CCDC83: variants seen among roughly 807,000 people sequenced by gnomAD.
The protein encoded by CCDC83 is coiled-coil domain containing 83.
A neutral mutation model predicts 50.1 loss-of-function variants in CCDC83; 54 were observed. That is an observed-to-expected ratio of 1.08 (90% CI 0.87 to 1.35). The LOEUF (loss-of-function observed/expected upper bound fraction) is 1.35. Among genes scored for constraint, CCDC83 ranks in the 40% most tolerant of loss-of-function variants. The pLI, the probability that CCDC83 is intolerant of heterozygous loss-of-function variation, is 0.00. For missense variants in CCDC83, 518 were observed against 473.9 expected, an observed-to-expected ratio of 1.09 and a Z score of -0.86; for synonymous variants, 161 against 153.3, an observed-to-expected ratio of 1.05 and a Z score of -0.37.
rs1311365980 is a variant in CCDC83, at chr11:85,909,825, CATT to C, written c.673-1452_673-1450del. ...CATTTTTTCCTATTTGAATTAGCCA[CATT>C]ATTTTTCTTCTTCTTTTTTACAGGC... On this transcript the variant is annotated intron_variant, in intron 7 of 10. Coordinates refer to ENST00000342404, the MANE Select transcript of CCDC83 (RefSeq NM_001286159.2). 2.0e-5 allele frequency among the ~76,000 whole-genome samples: 3 copies of C among 151,856 alleles called. No individual in the cohort carries two copies. The East Asian group carries it at 5.8e-4, about 29-fold the overall frequency.
At chr11:85,914,077 G>A (rs146904104) in intron 8 of CCDC83, among the ~76,000 whole-genome samples, 216 of 152,270 alleles carry the variant, frequency 1.4e-3, no homozygotes, top group Non-Finnish European at 2.4e-3. Context: ...TGAAACTTAC[G>A]TTTACTAAGG....
intron 7 of CCDC83, among the ~76,000 whole-genome samples, chr11:85,901,865 C>T (rs990443693): frequency 1.8e-4 from 24 of 133,162 alleles, no homozygotes; most frequent in Non-Finnish European, 3.4e-4. Context: ...CCCGGCTCTA[C>T]AAAAAATAAA....
chr11:85,912,582 G>C (rs1001522090), intron 8 of CCDC83: 1 of 900,302 alleles, frequency 1.1e-6, no homozygotes, highest in Non-Finnish European at 1.9e-6. Flanking sequence ...AGGGCCCCTA[G>C]GGGTAGGTGC....
chr11:85,861,427 C>G (rs1348222024), intron 1 of CCDC83, among the ~76,000 whole-genome samples: 1 of 152,178 alleles, frequency 6.6e-6, no homozygotes, highest in Non-Finnish European at 1.5e-5. Flanking sequence ...GGCTGAGCCA[C>G]AACTAGACTT....
At chr11:85,864,722 A>C (rs1399575999) in intron 1 of CCDC83, among the ~76,000 whole-genome samples, 1 of 152,182 alleles carries the variant, frequency 6.6e-6, no homozygotes, top group African/African-American at 2.4e-5. Context: ...TCTTTGAAAA[A>C]TTAATAGACA....
chr11:85,909,609 C>CTTT lies in CCDC83; in HGVS notation c.673-1643_673-1641dup, dbSNP rs71468972. ...TTTGGACAAAAGTCATCAAAATACA[C>CTTT]TTTTTTTTTTTTTTTTTTTTTTTTT... On this transcript the variant is annotated intron_variant, in intron 7 of 10. Coordinates refer to ENST00000342404, the MANE Select transcript of CCDC83 (RefSeq NM_001286159.2). 7.1e-3 allele frequency among the ~76,000 whole-genome samples: 411 copies of CTTT among 57,734 alleles called. 92 individuals carry two copies. The highest frequency in any genetic ancestry group is 0.016 in the African/African-American group (217 of 13,840). 37.9% of individuals were successfully genotyped at this position (57,734 alleles called of 152,430 possible). A position where few individuals can be genotyped will look rare whatever the true frequency, so the allele number is the denominator to read the frequency against.
At chr11:85,917,262 G>A in intron 10 of CCDC83, among the ~76,000 whole-genome samples, 1 of 132,112 alleles carries the variant, frequency 7.6e-6, no homozygotes, top group East Asian at 2.5e-4. Context: ...AGGAAAGGAA[G>A]GAAGGAAGGA....
chr11:85,869,879 C>T (rs535618317), intron 2 of CCDC83, among the ~76,000 whole-genome samples: 49 of 152,356 alleles, frequency 3.2e-4, no homozygotes, highest in African/African-American at 1.1e-3. Flanking sequence ...GCTGAAGTGG[C>T]TTTCAAAGAC....
chr11:85,855,160 G>C (rs952356945), upstream of CCDC83: 18 of 152,492 alleles, frequency 1.2e-4, no homozygotes, highest in Admixed American at 1.0e-3. Context: ...CGGGCTGAAA[G>C]GAAGTGCGAG....
rs2093369320 is a variant in CCDC83 at position 85,895,366 on chromosome 11, G to A, written c.585G>A (p.Lys195=). Residue 195 remains lysine, a synonymous_variant, in exon 6 of 11, where the codon AAG becomes AAA. Coordinates refer to ENST00000342404, the MANE Select transcript of CCDC83 (RefSeq NM_001286159.2). ...AAACTTTGTTGCAACTGGACCAAAA[G>A]AAGGAATGGGCCACACAGGTATAAT... The part of the protein sequence containing the change: ...IKETLLQLDQ[K]KEWATQNAVK... The A allele has an allele frequency of 6.6e-7, 1 of 1,525,100 alleles. No individual in the cohort carries two copies. The highest frequency in any genetic ancestry group is 8.9e-7 in the Non-Finnish European group (1 of 1,125,276). 94.5% of individuals were successfully genotyped at this position (1,525,100 alleles called of 1,614,324 possible). A position where few individuals can be genotyped will look rare whatever the true frequency, so the allele number is the denominator to read the frequency against.
chr11:85,894,729 G>C (rs1004363859), intron 5 of CCDC83, among the ~76,000 whole-genome samples: 8 of 152,124 alleles, frequency 5.3e-5, no homozygotes, highest in African/African-American at 1.7e-4. Flanking sequence ...TTGGCATACA[G>C]AAAGAGCTTG....
At chr11:85,883,032 C>G (rs1412769728) in intron 4 of CCDC83, among the ~76,000 whole-genome samples, 1 of 152,164 alleles carries the variant, frequency 6.6e-6, no homozygotes, top group Non-Finnish European at 1.5e-5. Flanking sequence ...GTCCTCCCAC[C>G]TCAGCCTCCC....
At chr11:85,914,834 C>T (rs2093470177) in intron 8 of CCDC83, among the ~76,000 whole-genome samples, 1 of 152,140 alleles carries the variant, frequency 6.6e-6, no homozygotes, top group South Asian at 2.1e-4. Context: ...CTCACAGTTC[C>T]ACCAGGCTGG....
intron 5 of CCDC83, among the ~76,000 whole-genome samples, chr11:85,888,441 T>A (rs996914398): frequency 3.3e-5 from 5 of 152,218 alleles, no homozygotes; most frequent in Non-Finnish European, 7.3e-5. Flanking sequence ...ATGAATTTCC[T>A]TTTCCATAAA....
intron 5 of CCDC83, among the ~76,000 whole-genome samples, chr11:85,886,618 G>A (rs2093328231): frequency 6.6e-6 from 1 of 152,172 alleles, no homozygotes; most frequent in Non-Finnish European, 1.5e-5. Flanking sequence ...GTGACCAAGT[G>A]ACTTTAAGAA....
Position 85,882,616 on chromosome 11 carries a change from T to C in CCDC83, c.284T>C (p.Val95Ala), listed in dbSNP as rs1368975761. ...TTGCCAGTTGTAACAAGAGAGGATG[T>C]TGAAGAAGCGATGAAGGAAAAATGG... ...EGLPVVTREDVEEAMKEKWKF... is the reference protein window; with the variant it reads ...EGLPVVTREDAEEAMKEKWKF... Residue 95 changes from valine to alanine, a missense_variant, in exon 4 of 11, where the codon GTT becomes GCT. Physicochemically the swap from Val to Ala is moderately conservative, Grantham distance 64. Transcript: ENST00000342404. The C allele has an allele frequency of 2.5e-6, 4 of 1,613,988 alleles. No individual in the cohort carries two copies. The highest frequency in any genetic ancestry group is 2.2e-5 in the East Asian group (1 of 44,872).
chr11:85,866,667 A>G (rs1237983), intron 2 of CCDC83, among the ~76,000 whole-genome samples: 3 of 79,764 alleles, frequency 3.8e-5, no homozygotes, highest in Admixed American at 3.7e-4. Context: ...AAAACAAAAC[A>G]AAAAAAAAAA....
chr11:85,913,495 T>C (rs1412678982), intron 8 of CCDC83, among the ~76,000 whole-genome samples: 1 of 152,216 alleles, frequency 6.6e-6, no homozygotes, highest in Non-Finnish European at 1.5e-5. Flanking sequence ...ATTACACATA[T>C]TATATCTTTT....
chr11:85,917,298 A>G (rs1020967459), intron 10 of CCDC83, among the ~76,000 whole-genome samples: 6 of 152,028 alleles, frequency 3.9e-5, no homozygotes, highest in Non-Finnish European at 8.8e-5. Flanking sequence ...AAAGAAAGAA[A>G]GAAAAGAAAG....
Sources: gnomAD v4.1 joint callset for allele counts (sites outside exome capture counted in the v4.1 genomes callset) on GRCh38, gnomAD v4.1.1 for gene constraint, MANE v1.5 for transcripts, NCBI Gene and HGNC (gene_info 2026-07-23, HGNC 2026-07-21) for gene names.